The following JAK2 variants were observed in gnomAD, a reference collection of about 807,000 sequenced individuals.
JAK2 encodes Janus kinase 2, also known as tyrosine-protein kinase JAK2.
Under a neutral mutation model 139.3 loss-of-function variants are expected in JAK2, and 86 were observed. The observed-to-expected ratio is 0.62, with a 90% CI of 0.52 to 0.74. The LOEUF (loss-of-function observed/expected upper bound fraction) is 0.74. Among genes scored for constraint, JAK2 ranks in the 30% least tolerant of loss-of-function variants. The pLI is 0.00. For synonymous variants in JAK2, 490 were observed against 437.7 expected (o/e 1.12, Z -1.49); for missense variants, 1,421 against 1,360.3 (o/e 1.04, Z -0.70).
At chr9:5,104,175 A>C (rs1821762771) in intron 22 of JAK2, among the ~76,000 whole-genome samples, 1 of 152,160 alleles carries the variant, frequency 6.6e-6, no homozygotes, top group African/African-American at 2.4e-5. Flanking sequence ...AGCAAGACTA[A>C]TAAAGAAGAA....
chr9:4,993,931 A>G (rs1362464551), intron 2 of JAK2, among the ~76,000 whole-genome samples: 1 of 152,162 alleles, frequency 6.6e-6, no homozygotes, highest in Non-Finnish European at 1.5e-5. Flanking sequence ...GTGTGTCTAA[A>G]TGGTCTCAGA....
intron 22 of JAK2, among the ~76,000 whole-genome samples, chr9:5,096,376 G>A (rs1008214970): frequency 5.3e-5 from 8 of 152,090 alleles, no homozygotes; most frequent in African/African-American, 9.7e-5. Flanking sequence ...TCAGTTGAAC[G>A]CAAATCAACC....
Position 5,069,055 on chromosome 9 carries a change from A to T in JAK2, c.1360A>T (p.Ile454Phe). Residue 454 changes from isoleucine to phenylalanine, a missense_variant, in exon 11 of 25, where the codon ATT (isoleucine) becomes TTT (phenylalanine). By Grantham distance (21) the Ile-to-Phe change is conservative. Coordinates refer to ENST00000381652, the MANE Select transcript of JAK2 (RefSeq NM_004972.4). ...TGTCATTGAATATAAACACTGTTTG[A>T]TTACAAAAAATGAGAATGAAGAGTA... is the stretch of plus-strand genomic sequence containing the variant. The part of the protein sequence containing the change: ...ENVIEYKHCL[I>F]TKNENEEYNL... 1 of 1,601,646 alleles carries T rather than the reference A, an allele frequency of 6.2e-7. No homozygotes were observed. The highest frequency in any genetic ancestry group is 8.5e-7 in the Non-Finnish European group (1 of 1,174,224).
chr9:5,022,937 G>C (rs1822527320), intron 3 of JAK2, among the ~76,000 whole-genome samples: 1 of 152,192 alleles, frequency 6.6e-6, no homozygotes. Flanking sequence ...AAGAATGTAT[G>C]ATTACATCAA....
chr9:5,043,021 C>T (rs1023608821), intron 4 of JAK2, among the ~76,000 whole-genome samples: 10 of 151,846 alleles, frequency 6.6e-5, no homozygotes, highest in Non-Finnish European at 1.3e-4. Flanking sequence ...CGGCTCGGCC[C>T]CTGGGCCCTG....
intron 22 of JAK2, chr9:5,094,908 C>T (rs1343400254): frequency 2.0e-5 from 3 of 152,136 alleles, no homozygotes; most frequent in Non-Finnish European, 4.4e-5. Flanking sequence ...CCTCCAATTC[C>T]ACTACAACCA....
At chr9:5,099,344 G>C (rs1051951018) in intron 22 of JAK2, 1 of 152,100 alleles carries the variant, frequency 6.6e-6, no homozygotes, top group African/African-American at 2.4e-5. Context: ...TCACTGTAAA[G>C]CTATTCAGCA....
chr9:5,095,192 C>A (rs1308491019), intron 22 of JAK2, among the ~76,000 whole-genome samples: 2 of 151,966 alleles, frequency 1.3e-5, no homozygotes, highest in African/African-American at 4.8e-5. Flanking sequence ...TGGGCCCATT[C>A]TCCTGAAAAT....
intron 3 of JAK2, among the ~76,000 whole-genome samples, chr9:5,028,138 C>A (rs909727134): frequency 2.0e-5 from 3 of 152,072 alleles, no homozygotes; most frequent in African/African-American, 7.2e-5. Context: ...AATGTGTTTC[C>A]CAAATAATAA....
intron 2 of JAK2, among the ~76,000 whole-genome samples, chr9:5,004,570 C>G (rs187578347): frequency 6.6e-6 from 1 of 152,172 alleles, no homozygotes; most frequent in East Asian, 1.9e-4. Flanking sequence ...TTTATCTTGG[C>G]TATTAAGAAT....
intron 5 of JAK2, among the ~76,000 whole-genome samples, chr9:5,049,158 G>A (rs1009459019): frequency 2.6e-5 from 4 of 151,894 alleles, no homozygotes; most frequent in Admixed American, 1.3e-4. Context: ...TCGTATCTGA[G>A]CCATACACCA....
intron 4 of JAK2, among the ~76,000 whole-genome samples, chr9:5,032,078 A>G (rs1180762826): frequency 6.6e-6 from 1 of 152,232 alleles, no homozygotes; most frequent in Admixed American, 6.5e-5. Context: ...GCGCTATTCT[A>G]ACGGTATTAG....
At chr9:5,109,827 A>C (rs1822291280) in intron 22 of JAK2, 1 of 152,180 alleles carries the variant, frequency 6.6e-6, no homozygotes, top group African/African-American at 2.4e-5. Flanking sequence ...CAATTTTTCA[A>C]ATATTTTCCT....
At chr9:5,035,434 G>A (rs913187994) in intron 4 of JAK2, among the ~76,000 whole-genome samples, 4 of 152,000 alleles carry the variant, frequency 2.6e-5, no homozygotes, top group African/African-American at 4.8e-5. Context: ...CAACCAAAAA[G>A]GAGAATTTTA....
At chr9:5,007,043 G>A (rs1445095724) in intron 2 of JAK2, among the ~76,000 whole-genome samples, 3 of 151,908 alleles carry the variant, frequency 2.0e-5, no homozygotes, top group Non-Finnish European at 4.4e-5. Context: ...AGTCTTTCTA[G>A]TGTTTTATCA....
At chr9:5,048,874 G>A (rs547725895) in intron 5 of JAK2, among the ~76,000 whole-genome samples, 35 of 152,188 alleles carry the variant, frequency 2.3e-4, no homozygotes, top group Non-Finnish European at 1.8e-4. Context: ...ACCTTGATTC[G>A]CATTGTTATT....
At chr9:5,065,503 C>T (rs1818509125) in intron 9 of JAK2, among the ~76,000 whole-genome samples, 1 of 152,192 alleles carries the variant, frequency 6.6e-6, no homozygotes, top group Non-Finnish European at 1.5e-5. Flanking sequence ...TGAAAATATT[C>T]TATATCTGTG....
intron 22 of JAK2, among the ~76,000 whole-genome samples, chr9:5,118,478 G>C (rs533077196): frequency 1.3e-5 from 2 of 152,202 alleles, no homozygotes; most frequent in East Asian, 3.9e-4. Flanking sequence ...GAAGTTACTA[G>C]GATACAGTTT....
chr9:5,114,972 G>A (rs1823013222), intron 22 of JAK2, among the ~76,000 whole-genome samples: 1 of 152,100 alleles, frequency 6.6e-6, no homozygotes, highest in Non-Finnish European at 1.5e-5. Context: ...AACCCTAGAG[G>A]AAAACCTAGG....
Sources: allele counts gnomAD v4.1 joint callset (sites outside exome capture counted in the v4.1 genomes callset), GRCh38; gene constraint gnomAD v4.1.1; transcripts MANE v1.5; gene names NCBI Gene and HGNC (gene_info 2026-07-23, HGNC 2026-07-21).